Variants in TPST1 observed in about 807,000 individuals in gnomAD.
TPST1 encodes tyrosylprotein sulfotransferase 1.
TPST1 carries 20 observed loss-of-function variants against 34.8 expected under a neutral mutation model. The ratio of observed to expected loss-of-function variants is 0.57; its 90% CI spans 0.40 to 0.84. The LOEUF (loss-of-function observed/expected upper bound fraction) is 0.84, where lower values mean the gene tolerates loss of function less well. TPST1 is among the 40% of genes least tolerant of loss of function. The pLI is 0.00. For synonymous variants in TPST1, 152 were observed against 159.4 expected (o/e 0.95, Z 0.35); for missense variants, 353 against 455.5 (o/e 0.78, Z 2.05).
intron 2 of TPST1, among the ~76,000 whole-genome samples, chr7:66,263,267 G>A (rs1790523972): frequency 2.0e-5 from 3 of 152,174 alleles, no homozygotes; most frequent in South Asian, 4.1e-4. Flanking sequence ...TTTCAAGGCT[G>A]TTTTGTAGTA....
At chr7:66,264,500 G>A (rs1790552265) in intron 2 of TPST1, among the ~76,000 whole-genome samples, 1 of 152,190 alleles carries the variant, frequency 6.6e-6, no homozygotes, top group African/African-American at 2.4e-5. Flanking sequence ...CTTCTGCAAA[G>A]ACAGACAGGT....
chr7:66,225,364 C>T (rs1226356783), intron 1 of TPST1, among the ~76,000 whole-genome samples: 2 of 152,000 alleles, frequency 1.3e-5, no homozygotes, highest in Non-Finnish European at 2.9e-5. Context: ...GTAATCCCAG[C>T]GCTTTGGGAG....
At chr7:66,200,082 G>T in the TPST1 span, among the ~76,000 whole-genome samples, 3 of 152,152 alleles carry the variant, frequency 2.0e-5, no homozygotes, top group African/African-American at 7.2e-5. Flanking sequence ...GAAAAGTGCT[G>T]GAGGACAATG....
intron 1 of TPST1, among the ~76,000 whole-genome samples, chr7:66,224,014 G>C (rs1789598752): frequency 1.3e-5 from 2 of 152,122 alleles, no homozygotes; most frequent in South Asian, 2.1e-4. Context: ...CCTTTAAGTA[G>C]TGAGTATCAG....
rs530485645 is a variant in TPST1 at position 66,215,584 on chromosome 7, C to G, written c.-102+10062C>G. ...AGAGATGGGGTTTCACCATGTTAGC[C>G]AGGATGGTCTCGATCTCCTGACCTC... On this transcript the variant is annotated intron_variant, in intron 1 of 5. Coordinates refer to ENST00000304842, the MANE Select transcript of TPST1 (RefSeq NM_003596.4). Among the ~76,000 whole-genome samples the G allele has an allele frequency of 9.2e-5, 14 of 151,644 alleles. 1 individual carries two copies. The highest frequency in any genetic ancestry group is 1.8e-4 in the Non-Finnish European group (12 of 67,952).
rs1431018357 is a variant in TPST1, at chr7:66,240,566, A to G, written c.141A>G (p.Thr47=). The change falls in exon 2 of 6, where the codon ACA becomes ACG. Residue 47 remains threonine (T), a synonymous_variant. Transcript: ENST00000304842. ...ERSQPVKLES[T]RTTVRTGLDL... ...GCCAGCCAGTCAAATTGGAGAGCAC[A>G]AGGACCACTGTGAGAACTGGCCTGG... 6.2e-7 allele frequency: 1 copy of G among 1,614,184 alleles called. No homozygotes were observed. Among genetic ancestry groups the G allele is most frequent in the Admixed American group, 1.7e-5 (1 of 60,024 alleles).
intron 2 of TPST1, among the ~76,000 whole-genome samples, chr7:66,274,754 A>C (rs1272262295): frequency 6.6e-6 from 1 of 152,204 alleles, no homozygotes; most frequent in African/African-American, 2.4e-5. Flanking sequence ...AAATCTAAAA[A>C]AATGGGCAAA....
chr7:66,308,952 G>A (rs573429225), intron 3 of TPST1, among the ~76,000 whole-genome samples: 1 of 152,304 alleles, frequency 6.6e-6, no homozygotes, highest in South Asian at 2.1e-4. Context: ...AAGCTGGAGT[G>A]CAATGGCACT....
chr7:66,306,540 G>A (rs1007751625), intron 3 of TPST1, among the ~76,000 whole-genome samples: 1 of 152,100 alleles, frequency 6.6e-6, no homozygotes. Flanking sequence ...AGCCACCTAC[G>A]TGTGCTGCTT....
At chr7:66,220,505 A>G (rs951432843) in intron 1 of TPST1, among the ~76,000 whole-genome samples, 2 of 152,192 alleles carry the variant, frequency 1.3e-5, no homozygotes, top group African/African-American at 4.8e-5. Flanking sequence ...TATGTGGCAG[A>G]GAGCTTTCAG....
intron 2 of TPST1, among the ~76,000 whole-genome samples, chr7:66,261,024 C>T (rs1470895547): frequency 6.6e-6 from 1 of 152,128 alleles, no homozygotes; most frequent in African/African-American, 2.4e-5. Flanking sequence ...CTGAAAACTC[C>T]AACCAGGACT....
At chr7:66,214,803 T>C (rs1789353560) in intron 1 of TPST1, among the ~76,000 whole-genome samples, 1 of 147,146 alleles carries the variant, frequency 6.8e-6, no homozygotes, top group South Asian at 2.1e-4. Flanking sequence ...AGACCCTGCC[T>C]AAAAAAAAAG....
At chr7:66,266,950 G>T (rs908763669) in intron 2 of TPST1, among the ~76,000 whole-genome samples, 1 of 152,092 alleles carries the variant, frequency 6.6e-6, no homozygotes, top group African/African-American at 2.4e-5. Flanking sequence ...GTGGTTACAT[G>T]GCTGTATATA....
chr7:66,250,814 C>T (rs1156894492), intron 2 of TPST1, among the ~76,000 whole-genome samples: 4 of 152,078 alleles, frequency 2.6e-5, no homozygotes, highest in Non-Finnish European at 4.4e-5. Flanking sequence ...TTAAGTTAAA[C>T]AAGAGTTACT....
chr7:66,245,561 T>G (rs1477425251), intron 2 of TPST1, among the ~76,000 whole-genome samples: 1 of 152,196 alleles, frequency 6.6e-6, no homozygotes, highest in Non-Finnish European at 1.5e-5. Flanking sequence ...TAAAACTGGA[T>G]TTTATAAAGA....
At chr7:66,260,881 G>A (rs1377207110) in intron 2 of TPST1, among the ~76,000 whole-genome samples, 1 of 152,146 alleles carries the variant, frequency 6.6e-6, no homozygotes, top group Non-Finnish European at 1.5e-5. Flanking sequence ...TGTCCACTCT[G>A]GGTGGTAAGA....
At chr7:66,342,164 C>G (rs1470234415) in intron 3 of TPST1, among the ~76,000 whole-genome samples, 3 of 152,158 alleles carry the variant, frequency 2.0e-5, no homozygotes, top group African/African-American at 7.2e-5. Context: ...AAATAAGCCA[C>G]AGTACCATGA....
chr7:66,338,875 G>C (rs1027907960), intron 3 of TPST1, among the ~76,000 whole-genome samples: 2 of 151,888 alleles, frequency 1.3e-5, no homozygotes, highest in African/African-American at 4.8e-5. Context: ...ATAACCTAAC[G>C]ATACACCTCA....
At chr7:66,263,657 T>C (rs1790531896) in intron 2 of TPST1, among the ~76,000 whole-genome samples, 1 of 152,242 alleles carries the variant, frequency 6.6e-6, no homozygotes, top group East Asian at 1.9e-4. Flanking sequence ...CAGTTTGTTA[T>C]TGTTATCTTT....
Sources: gnomAD v4.1 joint callset for allele counts (sites outside exome capture counted in the v4.1 genomes callset) on GRCh38, gnomAD v4.1.1 for gene constraint, MANE v1.5 for transcripts, NCBI Gene and HGNC (gene_info 2026-07-23, HGNC 2026-07-21) for gene names.